The following C8orf34 variants were observed in gnomAD, a reference collection of about 807,000 sequenced individuals.
The protein encoded by C8orf34 is uncharacterized protein C8orf34.
Under a neutral mutation model 68.3 loss-of-function variants are expected in C8orf34, and 65 were observed. The observed-to-expected ratio is 0.95, with a 90% CI of 0.78 to 1.17. C8orf34 has a LOEUF of 1.17. Among genes scored for constraint, C8orf34 ranks in the 50% most tolerant of loss-of-function variants. The probability of loss-of-function intolerance (pLI) is 0.00; values close to 1 mark genes in which losing one functional copy is unlikely to be tolerated. For synonymous variants in C8orf34, 244 were observed against 241.2 expected, an observed-to-expected ratio of 1.01 and a Z score of -0.11; for missense variants, 664 against 655.4, an observed-to-expected ratio of 1.01 and a Z score of -0.14.
intron 5 of C8orf34, among the ~76,000 whole-genome samples, chr8:68,492,736 C>T (rs544179142): frequency 4.0e-5 from 6 of 151,656 alleles, no homozygotes; most frequent in Non-Finnish European, 7.4e-5. Context: ...TGGCTGTGAT[C>T]CCTCCTTTAA....
chr8:68,757,211 T>C (rs1198831637), intron 10 of C8orf34, among the ~76,000 whole-genome samples: 1 of 152,176 alleles, frequency 6.6e-6, no homozygotes, highest in Non-Finnish European at 1.5e-5. Flanking sequence ...GATTAAACCA[T>C]GTGCTTTCAA....
At chr8:68,603,967 G>A (rs2130515865) in intron 7 of C8orf34, among the ~76,000 whole-genome samples, 1 of 152,224 alleles carries the variant, frequency 6.6e-6, no homozygotes, top group South Asian at 2.1e-4. Flanking sequence ...TTAGAAGGCA[G>A]AAAGTGAAAG....
At chr8:68,592,805 CACCAT>C (rs1199042183) in intron 7 of C8orf34, among the ~76,000 whole-genome samples, 2 of 151,964 alleles carry the variant, frequency 1.3e-5, no homozygotes, top group African/African-American at 4.8e-5. Context: ...GATGGGGTTT[CACCAT>C]GTTGGTCAGG....
At chr8:68,739,807 A>G (rs942892240) in intron 10 of C8orf34, among the ~76,000 whole-genome samples, 1 of 152,140 alleles carries the variant, frequency 6.6e-6, no homozygotes, top group African/African-American at 2.4e-5. Flanking sequence ...ACAAACAAAC[A>G]AACGAACAAA....
At chr8:68,338,087 G>C (rs1805925079) in intron 1 of C8orf34, among the ~76,000 whole-genome samples, 1 of 152,242 alleles carries the variant, frequency 6.6e-6, no homozygotes, top group South Asian at 2.1e-4. Context: ...ATTTCTCACA[G>C]ATCTGGAGGC....
chr8:68,338,488 C>A (rs1805942410), intron 1 of C8orf34, among the ~76,000 whole-genome samples: 1 of 152,162 alleles, frequency 6.6e-6, no homozygotes. Flanking sequence ...CATCTTCAGG[C>A]AATGACTGAT....
At chr8:68,700,177 TAGAAA>T (rs1820948053) in intron 8 of C8orf34, among the ~76,000 whole-genome samples, 1 of 151,900 alleles carries the variant, frequency 6.6e-6, no homozygotes, top group Non-Finnish European at 1.5e-5. Flanking sequence ...ACAAAAAAAC[TAGAAA>T]AGAATATACT....
chr8:68,587,639 A>T (rs187286412), intron 7 of C8orf34, among the ~76,000 whole-genome samples: 1 of 152,274 alleles, frequency 6.6e-6, no homozygotes, highest in African/African-American at 2.4e-5. Flanking sequence ...CAGATATATT[A>T]AAAAGTATAT....
At chr8:68,454,800 A>G (rs1218761978) in intron 3 of C8orf34, among the ~76,000 whole-genome samples, 2 of 151,820 alleles carry the variant, frequency 1.3e-5, no homozygotes, top group Admixed American at 6.6e-5. Flanking sequence ...TGGGTTTATT[A>G]CGCTCTTCTT....
At chr8:68,617,950 A>T (rs1818275469) in intron 7 of C8orf34, among the ~76,000 whole-genome samples, 1 of 152,138 alleles carries the variant, frequency 6.6e-6, no homozygotes, top group African/African-American at 2.4e-5. Flanking sequence ...GTCTTTTCAC[A>T]TAGTCCCATA....
At chr8:68,359,384 G>A (rs1806887956) in intron 1 of C8orf34, among the ~76,000 whole-genome samples, 1 of 152,074 alleles carries the variant, frequency 6.6e-6, no homozygotes. Flanking sequence ...TCTTCGAGAG[G>A]CCCCTACTGA....
chr8:68,817,035 T>C (rs1338618876), intron 13 of C8orf34, among the ~76,000 whole-genome samples: 1 of 152,196 alleles, frequency 6.6e-6, no homozygotes, highest in Non-Finnish European at 1.5e-5. Context: ...TCAAGAGCTC[T>C]AACCAAGTAA....
At chr8:68,469,039 CT>C (rs1812269604) in intron 4 of C8orf34, among the ~76,000 whole-genome samples, 1 of 152,032 alleles carries the variant, frequency 6.6e-6, no homozygotes, top group Non-Finnish European at 1.5e-5. Flanking sequence ...TGTAGAACCC[CT>C]CATAGCTGTT....
chr8:68,501,318 A>G (rs551223577), intron 5 of C8orf34, among the ~76,000 whole-genome samples: 1 of 152,260 alleles, frequency 6.6e-6, no homozygotes, highest in East Asian at 1.9e-4. Flanking sequence ...TTTCAGCCAG[A>G]ATAGGAAGGA....
intron 7 of C8orf34, among the ~76,000 whole-genome samples, chr8:68,551,549 GT>G (rs1816071479): frequency 6.6e-6 from 1 of 151,986 alleles, no homozygotes; most frequent in Non-Finnish European, 1.5e-5. Context: ...GCTATAGGAG[GT>G]TTTTTGTTTG....
intron 7 of C8orf34, among the ~76,000 whole-genome samples, chr8:68,568,476 C>T (rs1275633061): frequency 6.6e-6 from 1 of 151,778 alleles, no homozygotes; most frequent in African/African-American, 2.4e-5. Flanking sequence ...CAAAATGTGA[C>T]ACAGACACGA....
chr8:68,675,331 G>A (rs896125624), intron 8 of C8orf34, among the ~76,000 whole-genome samples: 15 of 152,026 alleles, frequency 9.9e-5, no homozygotes, highest in Admixed American at 9.8e-4. Context: ...AAACTAAAAA[G>A]TGAACTGATC....
intron 8 of C8orf34, among the ~76,000 whole-genome samples, chr8:68,702,920 AT>A (rs1317746684): frequency 3.3e-5 from 5 of 152,116 alleles, no homozygotes; most frequent in Non-Finnish European, 7.3e-5. Context: ...TAGCCCAGTA[AT>A]TGGCTGCTAC....
chr8:68,395,619 G>A (rs1241892692), intron 1 of C8orf34, among the ~76,000 whole-genome samples: 1 of 152,048 alleles, frequency 6.6e-6, no homozygotes, highest in Non-Finnish European at 1.5e-5. Flanking sequence ...CATTAATATG[G>A]GCAATAGAAA....
Sources: gnomAD v4.1 joint callset for allele counts (sites outside exome capture counted in the v4.1 genomes callset) on GRCh38, gnomAD v4.1.1 for gene constraint, MANE v1.5 for transcripts, NCBI Gene and HGNC (gene_info 2026-07-23, HGNC 2026-07-21) for gene names.